Variants in PHF21A observed in about 807,000 individuals in gnomAD.
The protein encoded by PHF21A is PHD finger protein 21A.
PHF21A carries 11 observed loss-of-function variants against 82.5 expected under a neutral mutation model. The observed-to-expected ratio is 0.13, with a 90% CI of 0.08 to 0.22. The LOEUF is 0.22. PHF21A is among the 10% of genes least tolerant of loss of function. The probability of loss-of-function intolerance (pLI) is 1.00; values close to 1 mark genes in which losing one functional copy is unlikely to be tolerated. For synonymous variants in PHF21A, 297 were observed against 302.8 expected (o/e 0.98, Z 0.20); for missense variants, 579 against 837.8 (o/e 0.69, Z 3.81).
intron 6 of PHF21A, among the ~76,000 whole-genome samples, chr11:46,058,936 A>C (rs945369269): frequency 2.0e-5 from 3 of 152,222 alleles, no homozygotes; most frequent in Non-Finnish European, 4.4e-5. Context: ...GAAATGAAGC[A>C]GAAGCAAAGA....
intron 4 of PHF21A, among the ~76,000 whole-genome samples, chr11:46,079,809 G>A (rs1424401349): frequency 6.6e-6 from 1 of 150,578 alleles, no homozygotes; most frequent in African/African-American, 2.4e-5. Context: ...CTTTACTAGG[G>A]AAAACAGAAG....
chr11:45,962,365 T>C (rs992214420), intron 10 of PHF21A, among the ~76,000 whole-genome samples: 35 of 152,286 alleles, frequency 2.3e-4, no homozygotes, highest in Non-Finnish European at 4.9e-4. Context: ...TTGTTTTACC[T>C]TTAGCTCTAT....
At chr11:46,038,153 CT>C (rs952525069) in intron 6 of PHF21A, among the ~76,000 whole-genome samples, 8 of 145,744 alleles carry the variant, frequency 5.5e-5, no homozygotes, top group South Asian at 2.2e-4. Context: ...TGGAGTTTTG[CT>C]TTTTTTTTGT....
chr11:46,088,885 A>G (rs1346757800), intron 3 of PHF21A, among the ~76,000 whole-genome samples: 2 of 152,174 alleles, frequency 1.3e-5, no homozygotes, highest in African/African-American at 2.4e-5. Context: ...TGTGACCTGC[A>G]GGTCTTTCAT....
chr11:45,943,341 G>A (rs1322989980), intron 15 of PHF21A, among the ~76,000 whole-genome samples: 1 of 151,824 alleles, frequency 6.6e-6, no homozygotes, highest in African/African-American at 2.4e-5. Context: ...ATCACACCTG[G>A]CTAATTTTTT....
intron 6 of PHF21A, among the ~76,000 whole-genome samples, chr11:46,045,994 G>C (rs2096250449): frequency 6.6e-6 from 1 of 152,170 alleles, no homozygotes; most frequent in African/African-American, 2.4e-5. Flanking sequence ...ATTTTGGGAA[G>C]AAAAGATAAA....
At chr11:45,971,890 C>CTTTATTTTTTTTTTTTTTTTTTT in intron 7 of PHF21A, among the ~76,000 whole-genome samples, 2 of 50,296 alleles carry the variant, frequency 4.0e-5, no homozygotes, top group South Asian at 7.4e-4. Context: ...CTTTTTCTTT[C>CTTTATTTTTTTTTTTTTTTTTTT]TTTTTTTTTT....
intron 6 of PHF21A, among the ~76,000 whole-genome samples, chr11:46,044,710 A>G (rs577817132): frequency 6.6e-6 from 1 of 152,312 alleles, no homozygotes; most frequent in South Asian, 2.1e-4. Flanking sequence ...AGGAAATAAA[A>G]TTCCTTTTAA....
intron 1 of PHF21A, among the ~76,000 whole-genome samples, chr11:46,106,372 C>T (rs921491045): frequency 6.6e-6 from 1 of 152,012 alleles, no homozygotes; most frequent in African/African-American, 2.4e-5. Context: ...ATATGTTTTG[C>T]ATATAGATTA....
intron 6 of PHF21A, among the ~76,000 whole-genome samples, chr11:45,981,940 C>CTT (rs754937092): frequency 1.3e-4 from 10 of 78,274 alleles, no homozygotes; most frequent in African/African-American, 2.0e-4. Context: ...TTTTGTTTTT[C>CTT]TTTTTTTTTT....
chr11:46,067,297 A>G (rs542302443), intron 6 of PHF21A, among the ~76,000 whole-genome samples: 1 of 152,284 alleles, frequency 6.6e-6, no homozygotes, highest in African/African-American at 2.4e-5. Flanking sequence ...AGTATCTGAA[A>G]AGTCTAGAGG....
At chr11:46,034,307 C>T (rs1016412620) in intron 6 of PHF21A, among the ~76,000 whole-genome samples, 1 of 151,760 alleles carries the variant, frequency 6.6e-6, no homozygotes, top group Non-Finnish European at 1.5e-5. Flanking sequence ...ACTAATAACC[C>T]TTTGTCACAC....
intron 6 of PHF21A, among the ~76,000 whole-genome samples, chr11:46,029,356 G>A (rs2095818117): frequency 6.6e-6 from 1 of 152,076 alleles, no homozygotes; most frequent in Non-Finnish European, 1.5e-5. Context: ...AAACAGACTT[G>A]TTTTTATTCT....
chr11:46,114,394 C>T (rs77991256), intron 1 of PHF21A, among the ~76,000 whole-genome samples: 2,862 of 152,292 alleles, frequency 0.019, 76 homozygotes, highest in African/African-American at 0.053. Flanking sequence ...TTTCAGGCAA[C>T]AGCACCTTCA....
intron 10 of PHF21A, 125 bp downstream of exon 10, chr11:45,965,190 G>A (rs1332906211): frequency 2.5e-6 from 2 of 785,840 alleles, no homozygotes; most frequent in Non-Finnish European, 4.0e-6. Flanking sequence ...GCACATAAGC[G>A]ACAGCTTACT....
At chr11:46,100,550 G>A (rs970435161) in intron 1 of PHF21A, among the ~76,000 whole-genome samples, 2 of 152,186 alleles carry the variant, frequency 1.3e-5, no homozygotes, top group African/African-American at 4.8e-5. Flanking sequence ...CTTTGGTGTA[G>A]AGGGAACTTA....
At chr11:46,114,127 G>A (rs1297644338) in intron 1 of PHF21A, among the ~76,000 whole-genome samples, 1 of 151,180 alleles carries the variant, frequency 6.6e-6, no homozygotes, top group African/African-American at 2.4e-5. Flanking sequence ...ACACACACAC[G>A]CTTCTACAAA....
rs147993479 is a variant in PHF21A, at chr11:46,079,319, T to C, written c.55-153A>G. Among the ~76,000 whole-genome samples, 139 of 152,270 alleles carry C rather than the reference T, an allele frequency of 9.1e-4. 1 individual carries two copies. The highest frequency in any genetic ancestry group is 1.7e-3 in the Non-Finnish European group (114 of 68,030). ...AGACTAAAACCTTCTGTGATCCATG[T>C]AATAGGCTCAGGAGACACTTCCTTT... On this transcript the variant is annotated intron_variant, in intron 4 of 18. Transcript: ENST00000676320.
At chr11:45,949,748 T>C (rs937687996) in intron 12 of PHF21A, among the ~76,000 whole-genome samples, 6 of 152,232 alleles carry the variant, frequency 3.9e-5, no homozygotes, top group African/African-American at 1.4e-4. Flanking sequence ...TTGTCCTGAT[T>C]TTTAGACTGC....
Sources: allele counts gnomAD v4.1 joint callset (sites outside exome capture counted in the v4.1 genomes callset), GRCh38; gene constraint gnomAD v4.1.1; transcripts MANE v1.5; gene names NCBI Gene and HGNC (gene_info 2026-07-23, HGNC 2026-07-21).